The following CLDN14 variants were observed in gnomAD, a reference collection of about 807,000 sequenced individuals.
CLDN14 encodes the protein claudin-14.
A neutral mutation model predicts 2.1 loss-of-function variants in CLDN14; 2 were observed. That is an observed-to-expected ratio of 0.96 (90% CI 0.39 to 3.01). CLDN14 has a LOEUF of 3.01. Among genes scored for constraint, CLDN14 ranks in the 30% most tolerant of loss-of-function variants. The pLI is 0.09. For missense variants in CLDN14, 298 were observed against 328.0 expected (o/e 0.91, Z 0.71); for synonymous variants, 136 against 154.4 (o/e 0.88, Z 0.88).
At chr21:36,542,627 G>C (rs928839) in intron 1 of CLDN14, 135,781 of 152,228 alleles carry the variant, frequency 0.89, 61,141 homozygotes, top group African/African-American at 0.98. Context: ...CCCGGCGCCC[G>C]TTCTCCCCAG....
At chr21:36,555,718 T>C (rs1359610384) in intron 1 of CLDN14, among the ~76,000 whole-genome samples, 4 of 152,098 alleles carry the variant, frequency 2.6e-5, no homozygotes, top group Non-Finnish European at 5.9e-5. Context: ...CCTCCATTTT[T>C]AGCTTTACCA....
intron 1 of CLDN14, among the ~76,000 whole-genome samples, chr21:36,523,896 C>T (rs371829490): frequency 1.3e-5 from 2 of 152,016 alleles, no homozygotes; most frequent in South Asian, 2.1e-4. Context: ...CCTTACTGCC[C>T]ACTCCGAGAT....
At chr21:36,522,552 A>G (rs546410823) in intron 1 of CLDN14, among the ~76,000 whole-genome samples, 3 of 152,258 alleles carry the variant, frequency 2.0e-5, no homozygotes, top group East Asian at 1.9e-4. Flanking sequence ...ACCCCACACA[A>G]CCCACTGCGT....
At chr21:36,518,284 C>A (rs887304325) in intron 1 of CLDN14, among the ~76,000 whole-genome samples, 7 of 152,150 alleles carry the variant, frequency 4.6e-5, no homozygotes, top group Admixed American at 3.9e-4. Context: ...TTGCAAATTT[C>A]ATCTCATCAA....
intron 2 of CLDN14, among the ~76,000 whole-genome samples, chr21:36,507,136 A>G (rs1377681225): frequency 6.6e-6 from 1 of 150,686 alleles, no homozygotes; most frequent in African/African-American, 2.5e-5. Context: ...AAAAAAAAAA[A>G]GCACTACAGG....
intron 1 of CLDN14, among the ~76,000 whole-genome samples, chr21:36,537,028 T>C (rs1342439936): frequency 2.0e-5 from 3 of 152,254 alleles, no homozygotes; most frequent in South Asian, 2.1e-4. Context: ...TCGTCTCTAC[T>C]AAAAATACAA....
chr21:36,489,194 GAGAGAGAGAGAGAA>G (rs1276427222), intron 2 of CLDN14, among the ~76,000 whole-genome samples: 1 of 120,216 alleles, frequency 8.3e-6, no homozygotes, highest in Non-Finnish European at 1.6e-5. Context: ...TGGGGGGCGG[GAGAGAGAGAGAGAA>G]AGAGAGAGAG....
At chr21:36,523,851 G>A (rs960651794) in intron 1 of CLDN14, among the ~76,000 whole-genome samples, 2 of 150,478 alleles carry the variant, frequency 1.3e-5, no homozygotes, top group Non-Finnish European at 3.0e-5. Flanking sequence ...AAGTGGATTC[G>A]GCACCATCCC....
At position 36,544,974 on chromosome 21, in the gene CLDN14, A is replaced by G. The variant is rs887638622; in HGVS notation, c.-220+31437T>C. ...ATTGTAAGTATCAGGCCAGTGCCCT[A>G]GCATTTGTGGATACTAAGTGAAAAG... On this transcript the variant is annotated intron_variant, in intron 1 of 2. Coordinates refer to the CLDN14 transcript ENST00000342108. This position sits in a 1 kb window ranked among gnomAD's most constrained non-coding sequence, Gnocchi z 4.1. Among the ~76,000 whole-genome samples the G allele has an allele frequency of 6.6e-6, 1 of 152,218 alleles. No homozygotes were observed. Among genetic ancestry groups the G allele is most frequent in the Non-Finnish European group, 1.5e-5 (1 of 68,030 alleles).
At chr21:36,575,102 A>T (rs1483766182) in intron 1 of CLDN14, among the ~76,000 whole-genome samples, 1 of 152,216 alleles carries the variant, frequency 6.6e-6, no homozygotes, top group African/African-American at 2.4e-5. Flanking sequence ...TTCTCTTTTT[A>T]TGGAATTGAA....
intron 2 of CLDN14, among the ~76,000 whole-genome samples, chr21:36,492,983 G>T (rs146272844): frequency 4.6e-4 from 70 of 152,314 alleles, no homozygotes; most frequent in Admixed American, 2.9e-3. Flanking sequence ...GTGTCTTTGT[G>T]GGGAGAGACG....
At chr21:36,472,035 G>A (rs2086716796) in intron 1 of CLDN14, among the ~76,000 whole-genome samples, 1 of 152,226 alleles carries the variant, frequency 6.6e-6, no homozygotes. Context: ...CCAAACATGT[G>A]CTAAGTGCTT....
Position 36,499,506 on chromosome 21 carries a change from G to A in CLDN14, c.-82+10857C>T, listed in dbSNP as rs180807250. Among the ~76,000 whole-genome samples, 7 of 152,250 alleles carry A rather than the reference G, an allele frequency of 4.6e-5. No homozygotes were observed. The East Asian group carries it at 5.8e-4, about 13-fold the overall frequency. ...AAGTGATCAAGATTAGAATAGAGTG[G>A]CTTATCTGTGTTTAGAGTCTCTAAA... On this transcript the variant is annotated intron_variant, in intron 2 of 2. Transcript: ENST00000342108. The surrounding 1 kb of genome is among the most constrained non-coding windows in gnomAD (Gnocchi z 4.7).
At chr21:36,501,041 T>A (rs1034641551) in intron 2 of CLDN14, among the ~76,000 whole-genome samples, 1 of 152,226 alleles carries the variant, frequency 6.6e-6, no homozygotes, top group African/African-American at 2.4e-5. Context: ...GGGGTGCGGC[T>A]CAGCCGCAGG....
At chr21:36,513,924 C>T (rs1037375310) in intron 1 of CLDN14, among the ~76,000 whole-genome samples, 10 of 152,170 alleles carry the variant, frequency 6.6e-5, no homozygotes, top group African/African-American at 9.7e-5. Flanking sequence ...CTTGACCTCC[C>T]GGGCTCAAGC....
rs77147636 is a variant in CLDN14 at position 36,529,986 on chromosome 21, G to A, written c.-219-19486C>T. ...CAGACACCTGAGCGGGCACCTGCTGGGGGATGGACTTTGTTAGGACGATTA... is the reference window on the plus strand; with the variant it reads ...CAGACACCTGAGCGGGCACCTGCTGAGGGATGGACTTTGTTAGGACGATTA... On this transcript the variant is annotated intron_variant, in intron 1 of 2. Coordinates refer to the CLDN14 transcript ENST00000342108. Among the ~76,000 whole-genome samples the A allele has an allele frequency of 7.0e-3, 1,068 of 152,280 alleles. 17 individuals carry two copies. The highest frequency in any genetic ancestry group is 0.025 in the African/African-American group (1,018 of 41,548).
chr21:36,472,897 T>C (rs2086728461), intron 1 of CLDN14, among the ~76,000 whole-genome samples: 1 of 152,202 alleles, frequency 6.6e-6, no homozygotes, highest in Admixed American at 6.5e-5. Flanking sequence ...CGTCTCCAAA[T>C]ACTATCACAT....
At chr21:36,476,113 A>T (rs1377006435) in intron 1 of CLDN14, among the ~76,000 whole-genome samples, 2 of 152,170 alleles carry the variant, frequency 1.3e-5, no homozygotes, top group Non-Finnish European at 2.9e-5. Flanking sequence ...AGATGGAGAC[A>T]GGTGTCTCTG....
At chr21:36,571,121 T>G (rs1040137953) in intron 1 of CLDN14, among the ~76,000 whole-genome samples, 2 of 152,270 alleles carry the variant, frequency 1.3e-5, no homozygotes, top group East Asian at 3.8e-4. Context: ...ATTACAGGCG[T>G]GAGCCGCCGT....
Sources: gnomAD v4.1 joint callset for allele counts (sites outside exome capture counted in the v4.1 genomes callset) on GRCh38, gnomAD v4.1.1 for gene constraint, Gnocchi (gnomAD v3.1) non-coding constraint, MANE v1.5 for transcripts, NCBI Gene and HGNC (gene_info 2026-07-23, HGNC 2026-07-21) for gene names.